CLSTN2: variants seen among roughly 807,000 people sequenced by gnomAD.
The protein encoded by CLSTN2 is calsyntenin 2.
In CLSTN2, 48 loss-of-function variants were observed where a neutral mutation model predicts 101.2. That is an observed-to-expected ratio of 0.47 (90% CI 0.38 to 0.60). The LOEUF is 0.60. Among genes scored for constraint, CLSTN2 ranks in the 20% least tolerant of loss-of-function variants. CLSTN2 has a pLI of 0.00. For synonymous variants in CLSTN2, 481 were observed against 463.6 expected (o/e 1.04, Z -0.48); for missense variants, 1,160 against 1,238.2 (o/e 0.94, Z 0.95).
rs141260809 is a variant in CLSTN2 at position 140,475,631 on chromosome 3, C to T, written c.1344+8900C>T. 3.6e-3 allele frequency among the ~76,000 whole-genome samples: 554 copies of T among 152,334 alleles called. 4 individuals are homozygous for T. The highest frequency in any genetic ancestry group is 0.012 in the African/African-American group (511 of 41,582). On this transcript the variant is annotated intron_variant, in intron 8 of 16. Coordinates refer to ENST00000458420, the MANE Select transcript of CLSTN2 (RefSeq NM_022131.3). ...TGACTTGGAGTCTAAGGTTATATCACTGTTAAATCTCAACAAATCAAAGAT... is the reference window on the plus strand; with the variant it reads ...TGACTTGGAGTCTAAGGTTATATCATTGTTAAATCTCAACAAATCAAAGAT...
At chr3:140,152,509 T>C (rs2107814835) in intron 1 of CLSTN2, among the ~76,000 whole-genome samples, 1 of 152,346 alleles carries the variant, frequency 6.6e-6, no homozygotes, top group Admixed American at 6.5e-5. Context: ...GGGCAATTAT[T>C]AGTATAACTA....
At chr3:140,025,487 A>T (rs753629407) in intron 1 of CLSTN2, among the ~76,000 whole-genome samples, 5 of 152,094 alleles carry the variant, frequency 3.3e-5, no homozygotes, top group Non-Finnish European at 7.4e-5. Context: ...ATCAAACAAA[A>T]ATTAGGCCAA....
At chr3:140,279,076 A>G (rs139934114) in intron 2 of CLSTN2, among the ~76,000 whole-genome samples, 1 of 152,296 alleles carries the variant, frequency 6.6e-6, no homozygotes, top group Middle Eastern at 3.4e-3. Context: ...AGTACTATAT[A>G]TAAATAGAAT....
At chr3:140,060,045 TA>T (rs1560082697) in intron 1 of CLSTN2, among the ~76,000 whole-genome samples, 1 of 152,184 alleles carries the variant, frequency 6.6e-6, no homozygotes, top group Non-Finnish European at 1.5e-5. Context: ...TCCTCATCTG[TA>T]AAATGATATA....
chr3:140,558,909 C>A (rs767548477), intron 12 of CLSTN2, 52 bp downstream of exon 12: 68 of 1,381,758 alleles, frequency 4.9e-5, no homozygotes, highest in Admixed American at 1.1e-4. Context: ...TTTTTACAGC[C>A]ATGTGAAAAC....
At chr3:140,344,831 G>A (rs1352849521) in intron 2 of CLSTN2, among the ~76,000 whole-genome samples, 1 of 152,190 alleles carries the variant, frequency 6.6e-6, no homozygotes, top group East Asian at 1.9e-4. Context: ...CCAGCATGCA[G>A]CACAGTGCTT....
At chr3:140,495,763 C>A (rs187592623) in intron 8 of CLSTN2, among the ~76,000 whole-genome samples, 1 of 152,278 alleles carries the variant, frequency 6.6e-6, no homozygotes, top group East Asian at 1.9e-4. Context: ...TGTCAAAGAT[C>A]AGATGGTTGT....
At chr3:140,259,589 A>C (rs967578000) in intron 2 of CLSTN2, among the ~76,000 whole-genome samples, 1 of 152,166 alleles carries the variant, frequency 6.6e-6, no homozygotes, top group South Asian at 2.1e-4. Context: ...TGACACACCT[A>C]TATCCTGAAA....
chr3:140,531,445 C>T (rs916451846), intron 8 of CLSTN2, among the ~76,000 whole-genome samples: 2 of 152,104 alleles, frequency 1.3e-5, no homozygotes, highest in Admixed American at 6.5e-5. Flanking sequence ...GGCTTTGATG[C>T]CCTCACCTTG....
At chr3:140,040,607 C>T (rs576380769) in intron 1 of CLSTN2, among the ~76,000 whole-genome samples, 5 of 151,988 alleles carry the variant, frequency 3.3e-5, no homozygotes, top group Admixed American at 2.6e-4. Context: ...TGAATTCTGC[C>T]CGGGGTCTGA....
chr3:140,522,377 C>G (rs1427176165), intron 8 of CLSTN2, among the ~76,000 whole-genome samples: 1 of 152,218 alleles, frequency 6.6e-6, no homozygotes, highest in Non-Finnish European at 1.5e-5. Flanking sequence ...AATTAGTGGC[C>G]TGAGGCCGTA....
chr3:140,214,128 C>A (rs1288608991), intron 2 of CLSTN2, among the ~76,000 whole-genome samples: 3 of 151,938 alleles, frequency 2.0e-5, no homozygotes, highest in Non-Finnish European at 4.4e-5. Flanking sequence ...TTATCCGAGC[C>A]TCAACTTCCT....
chr3:140,231,441 A>C (rs1372127873), intron 2 of CLSTN2, among the ~76,000 whole-genome samples: 1 of 152,222 alleles, frequency 6.6e-6, no homozygotes, highest in Non-Finnish European at 1.5e-5. Flanking sequence ...CATCACAAAA[A>C]TACCATCTAC....
Position 140,572,039 on chromosome 3 carries a change from T to C in CLSTN2, c.*5786T>C, listed in dbSNP as rs1985569112. 1 of 152,346 alleles carries C rather than the reference T, an allele frequency of 6.6e-6. No homozygotes were observed. The highest frequency in any genetic ancestry group is 2.1e-4 in the South Asian group (1 of 4,832). 9.4% of individuals were successfully genotyped at this position (152,346 alleles called of 1,614,324 possible). A position where few individuals can be genotyped will look rare whatever the true frequency, so the allele number is the denominator to read the frequency against. Reference sequence around the variant, plus strand: ...AGGGGAAGGGAGGATGAACAAGGCATGTTTCCCTGACCATGAGGAGCTCTT... The same window carrying C: ...AGGGGAAGGGAGGATGAACAAGGCACGTTTCCCTGACCATGAGGAGCTCTT... On this transcript the variant is annotated 3_prime_UTR_variant, in exon 17 of 17. Coordinates refer to ENST00000458420, the MANE Select transcript of CLSTN2 (RefSeq NM_022131.3).
intron 2 of CLSTN2, among the ~76,000 whole-genome samples, chr3:140,222,019 C>T (rs1422419812): frequency 6.6e-6 from 1 of 151,750 alleles, no homozygotes; most frequent in Non-Finnish European, 1.5e-5. Context: ...TCTGTTTTGC[C>T]ATATTTATTG....
rs1933440333 is a variant in CLSTN2, at chr3:140,457,732, C to T, written c.974-1789C>T. ...ATTGGGTGAATTTCCAGGAGCATCT[C>T]GTGAGAGCACTGAGTGGCAATTATA... On this transcript the variant is annotated intron_variant, in intron 6 of 16. Coordinates refer to ENST00000458420, the MANE Select transcript of CLSTN2 (RefSeq NM_022131.3). Among the ~76,000 whole-genome samples the T allele has an allele frequency of 2.0e-5, 3 of 152,168 alleles. No individual in the cohort carries two copies. The South Asian group carries it at 6.2e-4, about 32-fold the overall frequency.
At chr3:140,540,142 T>C (rs1935444828) in intron 9 of CLSTN2, among the ~76,000 whole-genome samples, 1 of 152,172 alleles carries the variant, frequency 6.6e-6, no homozygotes, top group Non-Finnish European at 1.5e-5. Context: ...ACATTCTGGA[T>C]GATAGATGAA....
At chr3:140,055,977 G>A (rs2008089015) in intron 1 of CLSTN2, among the ~76,000 whole-genome samples, 1 of 152,220 alleles carries the variant, frequency 6.6e-6, no homozygotes, top group Non-Finnish European at 1.5e-5. Context: ...GATATAAAGA[G>A]AAGGTCTTTG....
chr3:140,401,426 T>A (rs904462026), intron 2 of CLSTN2, among the ~76,000 whole-genome samples: 2 of 152,214 alleles, frequency 1.3e-5, no homozygotes, highest in Non-Finnish European at 2.9e-5. Flanking sequence ...GAAAAATTAG[T>A]TCTATTGAAT....
Sources: gnomAD v4.1 joint callset for allele counts (sites outside exome capture counted in the v4.1 genomes callset) on GRCh38, gnomAD v4.1.1 for gene constraint, MANE v1.5 for transcripts, NCBI Gene and HGNC (gene_info 2026-07-23, HGNC 2026-07-21) for gene names.